The following WDR36 variants were observed in gnomAD, a reference collection of about 807,000 sequenced individuals.
WDR36 encodes the protein WD repeat-containing protein 36.
A neutral mutation model predicts 112.7 loss-of-function variants in WDR36; 63 were observed. That is an observed-to-expected ratio of 0.56 (90% CI 0.46 to 0.69). The LOEUF (loss-of-function observed/expected upper bound fraction) is 0.69, where lower values mean the gene tolerates loss of function less well. Among genes scored for constraint, WDR36 ranks in the 30% least tolerant of loss-of-function variants. The pLI is 0.00. For missense variants in WDR36, 1,226 were observed against 1,070.3 expected, an observed-to-expected ratio of 1.15 and a Z score of -2.03; for synonymous variants, 410 against 362.2, an observed-to-expected ratio of 1.13 and a Z score of -1.50.
At chr5:111,095,077 C>A (rs1057262849) in intron 2 of WDR36, 130 bp downstream of exon 2, 21 of 825,546 alleles carry the variant, frequency 2.5e-5, no homozygotes, top group African/African-American at 2.3e-4. Flanking sequence ...ACATTATCAG[C>A]AACAAAAAAG....
Position 111,113,126 on chromosome 5 carries a change from T to G in WDR36, c.1769T>G (p.Ile590Ser). The change falls in exon 16 of 23, where the codon ATT (isoleucine) becomes AGT (serine). Residue 590 changes from isoleucine to serine, a missense_variant. Transcript: ENST00000513710. ...ATAAGTGCTGCGATGGATTGCTCTA[T>G]TAGGACTTGGGACCTTCCTTCTGGG... is the stretch of plus-strand genomic sequence containing the variant. Reference protein sequence around the residue: ...WLISAAMDCSIRTWDLPSGCL... With the variant: ...WLISAAMDCSSRTWDLPSGCL... 1 of 1,591,598 alleles carries G rather than the reference T, an allele frequency of 6.3e-7. No homozygotes were observed. Among genetic ancestry groups the G allele is most frequent in the Non-Finnish European group, 8.6e-7 (1 of 1,166,330 alleles).
In WDR36 at chr5:111,120,512, TATTCA is replaced by T; in HGVS notation, c.1922_1926del (p.Tyr641CysfsTer38). 2 of 1,612,680 alleles carry T rather than the reference TATTCA, an allele frequency of 1.2e-6. No individual in the cohort carries two copies. The highest frequency in any genetic ancestry group is 1.7e-6 in the Non-Finnish European group (2 of 1,179,018). ...ATTTTTCAGGTCCAATATTTCCCTG[TATTCA>T]GTTGTTTCATTACGGCCACTTCCTG... On this transcript the variant is annotated frameshift_variant, in exon 18 of 23. Transcript: ENST00000513710. LOFTEE classifies it high-confidence loss of function.
chr5:111,106,939 A>G (rs1013883190), intron 11 of WDR36, among the ~76,000 whole-genome samples: 2 of 151,284 alleles, frequency 1.3e-5, no homozygotes, highest in South Asian at 2.1e-4. Context: ...CCATCCAGAG[A>G]GCCATTTACT....
At chr5:111,105,975 A>G in intron 10 of WDR36, 82 bp from the exon 11 acceptor site, 2 of 1,091,552 alleles carry the variant, frequency 1.8e-6, no homozygotes, top group Non-Finnish European at 2.8e-6. Flanking sequence ...TATAGTTACA[A>G]GACTGATAGC....
Position 111,126,889 on chromosome 5 carries a change from A to C in WDR36, c.*6A>C. 1 of 1,590,394 alleles carries C rather than the reference A, an allele frequency of 6.3e-7. No homozygotes were observed. The highest frequency in any genetic ancestry group is 2.2e-5 in the East Asian group (1 of 44,500). On this transcript the variant is annotated 3_prime_UTR_variant, in exon 23 of 23. Coordinates refer to ENST00000513710, the MANE Select transcript of WDR36 (RefSeq NM_139281.3). ...TCAAAAGTGCTTTGTTGTAAAAATA[A>C]ATTTGTGACTAAACAAAGACTTTCA... is the stretch of plus-strand genomic sequence containing the variant.
intron 1 of WDR36, 110 bp from the exon 2 acceptor site, chr5:111,094,810 A>T: frequency 1.1e-6 from 1 of 872,496 alleles, no homozygotes; most frequent in Non-Finnish European, 1.8e-6. Flanking sequence ...CTTTCTTATG[A>T]AGGACAGCAT....
At chr5:111,096,405 C>T (rs1752980915) in intron 2 of WDR36, among the ~76,000 whole-genome samples, 1 of 152,062 alleles carries the variant, frequency 6.6e-6, no homozygotes, top group Admixed American at 6.6e-5. Context: ...ACTTGATGTT[C>T]CAGAAGATAC....
In WDR36 at chr5:111,092,395, A is replaced by C. The variant is rs76533782; in HGVS notation, c.-62A>C. 1.6e-4 allele frequency: 261 copies of C among 1,614,218 alleles called. No individual in the cohort carries two copies. In the African/African-American group the frequency reaches 3.2e-3, roughly 20 times the overall value. On this transcript the variant is annotated 5_prime_UTR_variant, in exon 1 of 23. Transcript: ENST00000513710. ...AGGACTGTTCCACTAGACACGCTGA[A>C]GGGACTGGGTACGTGTTTTCCTTCA...
chr5:111,095,809 T>C (rs966706394), intron 2 of WDR36, among the ~76,000 whole-genome samples: 1 of 152,176 alleles, frequency 6.6e-6, no homozygotes, highest in Admixed American at 6.5e-5. Context: ...TAAGGAGAAG[T>C]TTTCCCTTTT....
At chr5:111,118,235 G>T (rs963078667) in intron 16 of WDR36, among the ~76,000 whole-genome samples, 4 of 152,082 alleles carry the variant, frequency 2.6e-5, no homozygotes, top group African/African-American at 9.7e-5. Context: ...ATTTTCCCTT[G>T]CCTTATCCAC....
intron 11 of WDR36, 67 bp from the exon 12 acceptor site, chr5:111,107,227 C>A: frequency 6.5e-7 from 1 of 1,541,738 alleles, no homozygotes; most frequent in South Asian, 1.2e-5. Context: ...ATATTGGATG[C>A]CTAATAAGTA....
intron 6 of WDR36, among the ~76,000 whole-genome samples, chr5:111,102,897 G>A (rs1034171178): frequency 1.2e-4 from 18 of 151,636 alleles, no homozygotes; most frequent in Middle Eastern, 3.4e-3. Flanking sequence ...TGTCTACAGC[G>A]AATCTTGTGT....
At chr5:111,112,759 A>G (rs1753368028) in intron 15 of WDR36, among the ~76,000 whole-genome samples, 1 of 151,838 alleles carries the variant, frequency 6.6e-6, no homozygotes, top group South Asian at 2.1e-4. Flanking sequence ...CATTGTCTAT[A>G]AATAAATAGA....
Position 111,127,165 on chromosome 5 carries a change from A to G in WDR36, c.*282A>G, listed in dbSNP as rs141199096. 707 of 299,602 alleles carry G rather than the reference A, an allele frequency of 2.4e-3. 2 individuals carry two copies. Among genetic ancestry groups the G allele is most frequent in the Middle Eastern group, 3.7e-3 (4 of 1,074 alleles). The allele number at this position is 299,602 out of a possible 1,614,324, so 18.6% of individuals were successfully genotyped here. On this transcript the variant is annotated 3_prime_UTR_variant, in exon 23 of 23. Coordinates refer to ENST00000513710, the MANE Select transcript of WDR36 (RefSeq NM_139281.3). ...CAGCCTGGGCAACATAGCAAGCAAG[A>G]TCCCATCTCTACAAAAAGTTAAAAA...
At position 111,119,021 on chromosome 5, in the gene WDR36, A is replaced by G. The variant is rs34595252; in HGVS notation, c.1805A>G (p.Asp602Gly). 10,392 of 1,612,732 alleles carry G rather than the reference A, an allele frequency of 6.4e-3. 36 individuals carry two copies. Among genetic ancestry groups the G allele is most frequent in the Non-Finnish European group, 7.8e-3 (9,166 of 1,178,898 alleles). Residue 602 changes from aspartate to glycine, a missense_variant, in exon 17 of 23, where the codon GAC becomes GGC. Coordinates refer to ENST00000513710, the MANE Select transcript of WDR36 (RefSeq NM_139281.3). ...TWDLPSGCLI[D>G]CFLLDSAPLN... The stretch of plus-strand genomic sequence containing the variant: ...GTTAATTATTTCTGTAGCCTTATAG[A>G]CTGCTTTTTGTTGGACTCGGCTCCT...
Position 111,100,736 on chromosome 5 carries a change from T to C in WDR36, c.542+15T>C, listed in dbSNP as rs1308231491. On this transcript the variant is annotated intron_variant, in intron 5 of 22. Coordinates refer to ENST00000513710, the MANE Select transcript of WDR36 (RefSeq NM_139281.3). The stretch of plus-strand genomic sequence containing the variant: ...GTAAAATCCAAGTAAGTATTTTAGT[T>C]AGAAAATAATATAGCTGTCACCTTA... 1 of 1,605,522 alleles carries C rather than the reference T, an allele frequency of 6.2e-7. No individual in the cohort carries two copies. Among genetic ancestry groups the C allele is most frequent in the Non-Finnish European group, 8.5e-7 (1 of 1,174,150 alleles).
In WDR36 at chr5:111,129,764, A is replaced by G; in HGVS notation, c.*2881A>G. The stretch of plus-strand genomic sequence containing the variant: ...GATATAAAGCAAATTATTTTCTAAG[A>G]CATTTACAGTGTATGTTTTCCTATG... On this transcript the variant is annotated 3_prime_UTR_variant, in exon 23 of 23. Coordinates refer to ENST00000513710, the MANE Select transcript of WDR36 (RefSeq NM_139281.3). 5.0e-6 allele frequency: 1 copy of G among 201,022 alleles called. No homozygotes were observed. 12.5% of individuals were successfully genotyped at this position (201,022 alleles called of 1,614,324 possible).
chr5:111,096,517 A>G (rs1007448130), intron 2 of WDR36, among the ~76,000 whole-genome samples: 3 of 152,160 alleles, frequency 2.0e-5, no homozygotes, highest in Non-Finnish European at 2.9e-5. Context: ...CAGCCTGTCT[A>G]ACATGGCAAA....
At chr5:111,126,328 T>G (rs1753678351) in intron 22 of WDR36, among the ~76,000 whole-genome samples, 1 of 152,124 alleles carries the variant, frequency 6.6e-6, no homozygotes, top group Admixed American at 6.6e-5. Context: ...ACTTTTATGA[T>G]TAATATAGTG....
Sources: gnomAD v4.1 joint callset for allele counts (sites outside exome capture counted in the v4.1 genomes callset) on GRCh38, gnomAD v4.1.1 for gene constraint, MANE v1.5 for transcripts, NCBI Gene and HGNC (gene_info 2026-07-23, HGNC 2026-07-21) for gene names.